SMCR8: variants seen among roughly 807,000 people sequenced by gnomAD.
SMCR8 encodes guanine nucleotide exchange protein SMCR8.
SMCR8 carries 30 observed loss-of-function variants against 56.6 expected under a neutral mutation model. The ratio of observed to expected loss-of-function variants is 0.53; its 90% confidence interval spans 0.40 to 0.72. The LOEUF (loss-of-function observed/expected upper bound fraction) is 0.72, where lower values mean the gene tolerates loss of function less well. SMCR8 is among the 30% of genes least tolerant of loss of function. SMCR8 has a pLI of 0.00. For synonymous variants in SMCR8, 538 were observed against 456.0 expected (o/e 1.18, Z -2.29); for missense variants, 1,198 against 1,157.0 (o/e 1.04, Z -0.51).
chr17:18,319,082 T>C (rs962581148), intron 1 of SMCR8, among the ~76,000 whole-genome samples: 3 of 151,542 alleles, frequency 2.0e-5, no homozygotes, highest in Admixed American at 2.0e-4. Flanking sequence ...CTGGGGGAGG[T>C]GAGCAGTAGA....
At position 18,315,403 on chromosome 17, in the gene SMCR8, C is replaced by T. The variant is rs112078868; in HGVS notation, c.-387C>T. The T allele has an allele frequency of 0.049, 8,555 of 175,778 alleles. 660 individuals are homozygous for T. The highest frequency in any genetic ancestry group is 0.17 in the African/African-American group (7,320 of 41,972). 10.9% of individuals were successfully genotyped at this position (175,778 alleles called of 1,614,324 possible). ...TGAGGGGCAGCAGCGCTTGGCTGAC[C>T]CCTGCGGCGTCCCGTAGCCTCGCGT... On this transcript the variant is annotated 5_prime_UTR_variant, in exon 1 of 2. Transcript: ENST00000406438.
Position 18,316,244 on chromosome 17 carries a change from C to T in SMCR8, c.455C>T (p.Pro152Leu), listed in dbSNP as rs1479745093. The T allele has an allele frequency of 3.1e-6, 5 of 1,613,762 alleles. No homozygotes were observed. Among genetic ancestry groups the T allele is most frequent in the Admixed American group, 3.3e-5 (2 of 60,020 alleles). Reference protein sequence around the residue: ...YDLEARGFVRPFCMAYISADQ... With the variant: ...YDLEARGFVRLFCMAYISADQ... ...CTGGAGGCCCGTGGCTTCGTGAGGC[C>T]GTTTTGCATGGCTTATATCTCTGCA... Residue 152 changes from proline to leucine, a missense_variant, in exon 1 of 2, where the codon CCG becomes CTG. Physicochemically the swap from Pro to Leu is moderately conservative, Grantham distance 98 (BLOSUM62 -3). Coordinates refer to ENST00000406438, the MANE Select transcript of SMCR8 (RefSeq NM_144775.3).
At chr17:18,318,923 G>C (rs1333415860) in intron 1 of SMCR8, among the ~76,000 whole-genome samples, 1 of 152,224 alleles carries the variant, frequency 6.6e-6, no homozygotes, top group African/African-American at 2.4e-5. Context: ...TTCAGAGCAC[G>C]TGCAGATGTT....
chr17:18,316,506 G>A lies in SMCR8; in HGVS notation c.717G>A (p.Val239=). 6.2e-7 allele frequency: 1 copy of A among 1,614,170 alleles called. No individual in the cohort carries two copies. Among genetic ancestry groups the A allele is most frequent in the Non-Finnish European group, 8.5e-7 (1 of 1,180,044 alleles). The part of the protein sequence containing the change: ...AIEKANELAS[V]EKSIIEHQDL... The stretch of plus-strand genomic sequence containing the variant: ...AGAAAGCCAATGAACTGGCCAGTGT[G>A]GAGAAGTCCATCATTGAACATCAAG... The change falls in exon 1 of 2, where the codon GTG becomes GTA. Residue 239 remains valine (V), a synonymous_variant. Transcript: ENST00000406438.
rs1384890515 is a variant in SMCR8, at chr17:18,321,642, C to T, written c.2361-975C>T. Among the ~76,000 whole-genome samples, 327 of 152,340 alleles carry T rather than the reference C, an allele frequency of 2.1e-3. 1 individual carries two copies. The highest frequency in any genetic ancestry group is 3.6e-3 in the Non-Finnish European group (248 of 68,030). On this transcript the variant is annotated intron_variant, in intron 1 of 1. Transcript: ENST00000406438. ...ATCACTTGAGCTCAGCAGTTCAAGACCAGCCTGGGAAACATAGCAAACTTC... is the reference window on the plus strand; with the variant it reads ...ATCACTTGAGCTCAGCAGTTCAAGATCAGCCTGGGAAACATAGCAAACTTC...
At chr17:18,322,112 C>A (rs1982515901) in intron 1 of SMCR8, among the ~76,000 whole-genome samples, 1 of 152,144 alleles carries the variant, frequency 6.6e-6, no homozygotes, top group South Asian at 2.1e-4. Context: ...CCTGGGTTCA[C>A]AGCATTCTCC....
Position 18,323,267 on chromosome 17 carries a change from A to G in SMCR8, c.*197A>G. On this transcript the variant is annotated 3_prime_UTR_variant, in exon 2 of 2. Transcript: ENST00000406438. ...CCTGGCTCCCTCTAAAGGCGTCTGG[A>G]GGGATGGTGACAGCTACATTTGGCT... The G allele has an allele frequency of 1.7e-6, 1 of 576,940 alleles. No homozygotes were observed. The highest frequency in any genetic ancestry group is 2.3e-5 in the South Asian group (1 of 43,926). The allele number at this position is 576,940 out of a possible 1,614,324, so 35.7% of individuals were successfully genotyped here.
Position 18,322,869 on chromosome 17 carries a change from C to T in SMCR8, c.2613C>T (p.Thr871=), listed in dbSNP as rs756148100. The change falls in exon 2 of 2, where the codon ACC becomes ACT. Residue 871 remains threonine, a synonymous_variant. Transcript: ENST00000406438. The part of the protein sequence containing the change: ...YTFCHHLHLP[T]HDKETEELVA... ...TCTGCCACCACCTGCACCTGCCTAC[C>T]CACGACAAGGAGACAGAGGAGCTGG... The T allele has an allele frequency of 6.2e-7, 1 of 1,614,098 alleles. No homozygotes were observed. The highest frequency in any genetic ancestry group is 8.5e-7 in the Non-Finnish European group (1 of 1,179,968).
intron 1 of SMCR8, among the ~76,000 whole-genome samples, chr17:18,321,371 C>T (rs976368108): frequency 2.6e-5 from 4 of 152,156 alleles, no homozygotes; most frequent in Non-Finnish European, 4.4e-5. Flanking sequence ...TTCTGGGACC[C>T]TAGAATCTTG....
rs528650181 is a variant in SMCR8, at chr17:18,316,108, C to A, written c.319C>A (p.Pro107Thr). The A allele has an allele frequency of 9.3e-6, 15 of 1,614,050 alleles. No homozygotes were observed. Among genetic ancestry groups the A allele is most frequent in the Non-Finnish European group, 1.2e-5 (14 of 1,180,048 alleles). ...TTACCAGGCTTCCTTCGTGGGCCAT[C>A]CTCCTGGATCTGCCTACCCCAAGCT... ...VDYQASFVGHPPGSAYPKLNF... is the reference protein window; with the variant it reads ...VDYQASFVGHTPGSAYPKLNF... Residue 107 changes from proline (P) to threonine (T), a missense_variant, in exon 1 of 2, where the codon CCT (proline) becomes ACT (threonine). Physicochemically the swap from Pro to Thr is conservative, Grantham distance 38 (BLOSUM62 -1). Coordinates refer to ENST00000406438, the MANE Select transcript of SMCR8 (RefSeq NM_144775.3).
chr17:18,315,523 CCGGA>C lies in SMCR8; in HGVS notation c.-264_-261del. 2.4e-6 allele frequency: 1 copy of C among 417,170 alleles called. No individual in the cohort carries two copies. Among genetic ancestry groups the C allele is most frequent in the Non-Finnish European group, 4.3e-6 (1 of 233,378 alleles). The allele number at this position is 417,170 out of a possible 1,614,324, so 25.8% of individuals were successfully genotyped here. ...AGGTTTCTTGTGCTGGCCGCGCTCG[CCGGA>C]CGAAGAAGAGAAGGGCAGTTGGGCC... On this transcript the variant is annotated 5_prime_UTR_variant, in exon 1 of 2. Transcript: ENST00000406438.
Position 18,317,130 on chromosome 17 carries a change from C to G in SMCR8, c.1341C>G (p.Ser447Arg). ...AGGAAGTGGAAGTGACTGAGTTGAG[C>G]AGTTTCGACCCCCAGGAAAACTTGG... ...EYKEVEVTEL[S>R]SFDPQENLDY... is the part of the protein sequence containing the mutation. Residue 447 changes from serine (S) to arginine (R), a missense_variant, in exon 1 of 2, where the codon AGC (serine) becomes AGG (arginine). By Grantham distance (110) the Ser-to-Arg change is moderately radical. Transcript: ENST00000406438. 6.2e-7 allele frequency: 1 copy of G among 1,614,138 alleles called. No homozygotes were observed. Among genetic ancestry groups the G allele is most frequent in the Non-Finnish European group, 8.5e-7 (1 of 1,180,026 alleles).
Position 18,316,021 on chromosome 17 carries a change from G to C in SMCR8, c.232G>C (p.Asp78His). ...CCAACCCTTACTGACCATCCCCAAT[G>C]ACACCAAAGTTTTTGGCACTTTTGA... The part of the protein sequence containing the change: ...GPQPLLTIPN[D>H]TKVFGTFDLN... Residue 78 changes from aspartate (D) to histidine (H), a missense_variant, in exon 1 of 2, where the codon GAC (aspartate) becomes CAC (histidine). Asp to His is a moderately conservative substitution (Grantham distance 81, BLOSUM62 -1). Coordinates refer to ENST00000406438, the MANE Select transcript of SMCR8 (RefSeq NM_144775.3). 6.2e-7 allele frequency: 1 copy of C among 1,614,064 alleles called. No individual in the cohort carries two copies. The highest frequency in any genetic ancestry group is 8.5e-7 in the Non-Finnish European group (1 of 1,180,016).
At chr17:18,322,003 G>A (rs1328006768) in intron 1 of SMCR8, among the ~76,000 whole-genome samples, 1 of 152,076 alleles carries the variant, frequency 6.6e-6, no homozygotes, top group African/African-American at 2.4e-5. Flanking sequence ...GCAGAAAGAA[G>A]AGGTTTTTTT....
rs1217289925 is a variant in SMCR8 at position 18,316,923 on chromosome 17, C to T, written c.1134C>T (p.Val378=). Residue 378 remains valine (V), a synonymous_variant, in exon 1 of 2, where the codon GTC becomes GTT. Transcript: ENST00000406438. ...TNFLFEDFVE[V]DDRMVEKQES... is the part of the protein sequence containing the mutation. ...TTCTCTTTGAAGACTTTGTGGAGGT[C>T]GATGACAGGATGGTGGAGAAACAAG... 1.9e-6 allele frequency: 3 copies of T among 1,614,008 alleles called. No homozygotes were observed. Among genetic ancestry groups the T allele is most frequent in the East Asian group, 2.2e-5 (1 of 44,904 alleles).
At position 18,324,943 on chromosome 17, in the gene SMCR8, A is replaced by G. The variant is rs899628665; in HGVS notation, c.*1873A>G. ...AGCCTTTAAATGTGAAACGTCTGTTACTTGCGCTGGAGGCAGAGGCTGTGC... is the reference window on the plus strand; with the variant it reads ...AGCCTTTAAATGTGAAACGTCTGTTGCTTGCGCTGGAGGCAGAGGCTGTGC... On this transcript the variant is annotated 3_prime_UTR_variant, in exon 2 of 2. Coordinates refer to ENST00000406438, the MANE Select transcript of SMCR8 (RefSeq NM_144775.3). 5 of 152,262 alleles carry G rather than the reference A, an allele frequency of 3.3e-5. No homozygotes were observed. The highest frequency in any genetic ancestry group is 1.2e-4 in the African/African-American group (5 of 41,462). The allele number at this position is 152,262 out of a possible 1,614,324, so 9.4% of individuals were successfully genotyped here. A position where few individuals can be genotyped will look rare whatever the true frequency, so the allele number is the denominator to read the frequency against.
chr17:18,317,277 A>G lies in SMCR8; in HGVS notation c.1488A>G (p.Pro496=), dbSNP rs759493746. 2.6e-5 allele frequency: 42 copies of G among 1,613,974 alleles called. No individual in the cohort carries two copies. The highest frequency in any genetic ancestry group is 1.6e-4 in the Middle Eastern group (1 of 6,084). The part of the protein sequence containing the change: ...KSDSQASLTV[P]LSPQVVRSKA... ...ACAGCCAGGCAAGCCTCACAGTACC[A>G]TTGAGCCCCCAGGTGGTCCGGAGCA... is the stretch of plus-strand genomic sequence containing the variant. The change falls in exon 1 of 2, where the codon CCA becomes CCG. Residue 496 remains proline (P), a synonymous_variant. Transcript: ENST00000406438.
chr17:18,316,727 A>C lies in SMCR8; in HGVS notation c.938A>C (p.Lys313Thr). ...AAACTTATCAAAGCAAAGTCCACCA[A>C]GTGTTTTGACAAGAAGTTGAAGACC... ...TPKLIKAKSTKCFDKKLKTLE... is the reference protein window; with the variant it reads ...TPKLIKAKSTTCFDKKLKTLE... The change falls in exon 1 of 2, where the codon AAG becomes ACG. Residue 313 changes from lysine (K) to threonine (T), a missense_variant. Transcript: ENST00000406438. 2.5e-6 allele frequency: 4 copies of C among 1,614,188 alleles called. No individual in the cohort carries two copies. Among genetic ancestry groups the C allele is most frequent in the Non-Finnish European group, 2.5e-6 (3 of 1,180,032 alleles).
Position 18,327,883 on chromosome 17 carries a change from GAAATT to G in SMCR8, c.*4816_*4820del, listed in dbSNP as rs1982736621. ...ATAGTATGAGAAGTGTACTTTTTAA[GAAATT>G]AATTTATTTGAGTTCAAATATTTTT... On this transcript the variant is annotated 3_prime_UTR_variant, in exon 2 of 2. Coordinates refer to ENST00000406438, the MANE Select transcript of SMCR8 (RefSeq NM_144775.3). 6.6e-6 allele frequency: 1 copy of G among 152,520 alleles called. No homozygotes were observed. Among genetic ancestry groups the G allele is most frequent in the Non-Finnish European group, 1.5e-5 (1 of 68,028 alleles). The allele number at this position is 152,520 out of a possible 1,614,324, so 9.4% of individuals were successfully genotyped here. A position where few individuals can be genotyped will look rare whatever the true frequency, so the allele number is the denominator to read the frequency against.
Sources: gnomAD v4.1 joint callset for allele counts (sites outside exome capture counted in the v4.1 genomes callset) on GRCh38, gnomAD v4.1.1 for gene constraint, MANE v1.5 for transcripts, NCBI Gene and HGNC (gene_info 2026-07-23, HGNC 2026-07-21) for gene names.